Variants in RNF11 observed in about 807,000 individuals in gnomAD.
The protein encoded by RNF11 is ring finger protein 11.
In RNF11, 4 loss-of-function variants were observed where a neutral mutation model predicts 15.8. That is an observed-to-expected ratio of 0.25 (90% CI 0.12 to 0.58). The LOEUF is 0.58. Ranked by LOEUF, RNF11 falls within the 20% of genes least tolerant of loss-of-function variation. The pLI is 0.91. For synonymous variants in RNF11, 68 were observed against 72.3 expected (o/e 0.94, Z 0.30); for missense variants, 139 against 194.4 (o/e 0.71, Z 1.70).
At chr1:51,252,333 A>G (rs1440336226) in intron 1 of RNF11, among the ~76,000 whole-genome samples, 3 of 152,176 alleles carry the variant, frequency 2.0e-5, no homozygotes, top group Non-Finnish European at 2.9e-5. Flanking sequence ...TGCATGGGGC[A>G]TATACCCGTA....
intron 1 of RNF11, among the ~76,000 whole-genome samples, chr1:51,257,822 A>C (rs928189276): frequency 2.0e-5 from 2 of 99,462 alleles, no homozygotes; most frequent in African/African-American, 7.9e-5. Flanking sequence ...TTTGATTTGC[A>C]TTTCTCTTCT....
intron 1 of RNF11, among the ~76,000 whole-genome samples, chr1:51,247,417 T>C (rs1333971000): frequency 1.3e-5 from 2 of 151,734 alleles, no homozygotes; most frequent in African/African-American, 4.8e-5. Flanking sequence ...ATTAGGTTCC[T>C]CAGGTTAAAT....
chr1:51,263,452 T>A (rs963169575), intron 1 of RNF11, among the ~76,000 whole-genome samples: 5 of 138,312 alleles, frequency 3.6e-5, no homozygotes, highest in Admixed American at 7.3e-5. Context: ...TTCACAGGGT[T>A]GTGTGTGTGT....
chr1:51,247,420 G>A (rs1430916852), intron 1 of RNF11, among the ~76,000 whole-genome samples: 1 of 151,830 alleles, frequency 6.6e-6, no homozygotes, highest in Admixed American at 6.6e-5. Flanking sequence ...AGGTTCCTCA[G>A]GTTAAATGGA....
chr1:51,242,856 A>G (rs1383681296), intron 1 of RNF11, among the ~76,000 whole-genome samples: 2 of 152,212 alleles, frequency 1.3e-5, no homozygotes, highest in East Asian at 1.9e-4. Flanking sequence ...TTTGTTTAAC[A>G]TTTGGGTGGA....
Position 51,272,397 on chromosome 1 carries a change from G to T in RNF11, c.*1075G>T, listed in dbSNP as rs1379867171. 1 of 152,588 alleles carries T rather than the reference G, an allele frequency of 6.6e-6. No individual in the cohort carries two copies. The highest frequency in any genetic ancestry group is 1.5e-5 in the Non-Finnish European group (1 of 68,020). The allele number at this position is 152,588 out of a possible 1,614,324, so 9.5% of individuals were successfully genotyped here. A position where few individuals can be genotyped will look rare whatever the true frequency, so the allele number is the denominator to read the frequency against. On this transcript the variant is annotated 3_prime_UTR_variant, in exon 3 of 3. Coordinates refer to ENST00000242719, the MANE Select transcript of RNF11 (RefSeq NM_014372.5). ...AACACATCTCAGTCTCTGTTTCTTG[G>T]AAAGGTATCTATTACATCCTGCTAG...
In RNF11 at chr1:51,272,537, A is replaced by G. The variant is rs1268042556; in HGVS notation, c.*1215A>G. On this transcript the variant is annotated 3_prime_UTR_variant, in exon 3 of 3. Coordinates refer to ENST00000242719, the MANE Select transcript of RNF11 (RefSeq NM_014372.5). ...ATAGTTGTGATCTCAAAAAAGAAGG[A>G]ATTTCTCCTTTGTTTCTTGCAGTTA... 1 of 152,610 alleles carries G rather than the reference A, an allele frequency of 6.6e-6. No individual in the cohort carries two copies. Among genetic ancestry groups the G allele is most frequent in the Non-Finnish European group, 1.5e-5 (1 of 68,014 alleles). The allele number at this position is 152,610 out of a possible 1,614,324, so 9.5% of individuals were successfully genotyped here.
Position 51,243,589 on chromosome 1 carries a change from C to G in RNF11, c.123+6710C>G, listed in dbSNP as rs190893336. Among the ~76,000 whole-genome samples the G allele has an allele frequency of 4.3e-3, 656 of 152,262 alleles. 5 individuals carry two copies. Among genetic ancestry groups the G allele is most frequent in the African/African-American group, 0.015 (606 of 41,548 alleles). ...GAGTAGCTGGGATTACAGGCATGCG[C>G]CACCACACCCAGCTAATTTTTGTAT... On this transcript the variant is annotated intron_variant, in intron 1 of 2. Transcript: ENST00000242719.
chr1:51,241,117 T>G (rs1646827157), intron 1 of RNF11, among the ~76,000 whole-genome samples: 1 of 152,170 alleles, frequency 6.6e-6, no homozygotes, highest in Non-Finnish European at 1.5e-5. Context: ...GAGCCTGCCC[T>G]TTATATTTTT....
chr1:51,251,246 C>T (rs941902201), intron 1 of RNF11: 9 of 1,328,408 alleles, frequency 6.8e-6, no homozygotes, highest in East Asian at 4.6e-5. Flanking sequence ...AGATCTCCTC[C>T]AGGGACTTGA....
intron 1 of RNF11, among the ~76,000 whole-genome samples, chr1:51,265,492 T>C (rs1297134508): frequency 6.6e-6 from 1 of 152,236 alleles, no homozygotes; most frequent in Non-Finnish European, 1.5e-5. Context: ...ATGATTTCCT[T>C]TGGATTCTCG....
At chr1:51,243,631 G>T (rs989670007) in intron 1 of RNF11, among the ~76,000 whole-genome samples, 1 of 152,182 alleles carries the variant, frequency 6.6e-6, no homozygotes, top group African/African-American at 2.4e-5. Context: ...TAGAAATGGG[G>T]TTTCACCATA....
At chr1:51,257,460 TG>T (rs1239585592) in intron 1 of RNF11, among the ~76,000 whole-genome samples, 1 of 152,138 alleles carries the variant, frequency 6.6e-6, no homozygotes, top group East Asian at 1.9e-4. Context: ...ATTTTTTGTT[TG>T]TTTTTTTGTT....
rs371159487 is a variant in RNF11 at position 51,265,601 on chromosome 1, C to T, written c.124-4355C>T. On this transcript the variant is annotated intron_variant, in intron 1 of 2. Transcript: ENST00000242719. ...TTGAAATTTGCTTCTCTGTGAATTCCATCTTGAAATTTAAACTCACAGGGC... is the reference window on the plus strand; with the variant it reads ...TTGAAATTTGCTTCTCTGTGAATTCTATCTTGAAATTTAAACTCACAGGGC... Among the ~76,000 whole-genome samples, 8 of 152,186 alleles carry T rather than the reference C, an allele frequency of 5.3e-5. No individual in the cohort carries two copies. The East Asian group carries it at 1.5e-3, about 29-fold the overall frequency.
At chr1:51,252,615 C>CA (rs1302450866) in intron 1 of RNF11, among the ~76,000 whole-genome samples, 11 of 151,422 alleles carry the variant, frequency 7.3e-5, no homozygotes, top group Admixed American at 6.6e-4. Context: ...AACCCTGTCT[C>CA]AAAAAAAAGA....
intron 1 of RNF11, among the ~76,000 whole-genome samples, chr1:51,253,117 G>A (rs1447817887): frequency 6.6e-6 from 1 of 152,010 alleles, no homozygotes; most frequent in East Asian, 1.9e-4. Context: ...GATCCACCAC[G>A]CCCGACGTTG....
chr1:51,271,184 G>T lies in RNF11; in HGVS notation c.327G>T (p.Gly109=), dbSNP rs1189352216. The T allele has an allele frequency of 6.2e-7, 1 of 1,613,902 alleles. No individual in the cohort carries two copies. The highest frequency in any genetic ancestry group is 1.7e-5 in the Admixed American group (1 of 59,976). ...TCTGTATGATGGACTTTGTTTATGG[G>T]GACCCAATTCGATTTCTGCCGTGCA... The part of the protein sequence containing the change: ...CVICMMDFVY[G]DPIRFLPCMH... The change falls in exon 3 of 3, where the codon GGG becomes GGT. Residue 109 remains glycine (G), a synonymous_variant. Coordinates refer to ENST00000242719, the MANE Select transcript of RNF11 (RefSeq NM_014372.5).
At chr1:51,255,556 T>C (rs1646900758) in intron 1 of RNF11, among the ~76,000 whole-genome samples, 1 of 152,232 alleles carries the variant, frequency 6.6e-6, no homozygotes, top group Non-Finnish European at 1.5e-5. Context: ...TGCACCCAGC[T>C]GTGTTTCACT....
At chr1:51,258,209 T>A (rs2148071333) in intron 1 of RNF11, among the ~76,000 whole-genome samples, 1 of 152,306 alleles carries the variant, frequency 6.6e-6, no homozygotes, top group East Asian at 1.9e-4. Context: ...ATTTACAACA[T>A]TAGTTGTTTA....
Sources: allele counts gnomAD v4.1 joint callset (sites outside exome capture counted in the v4.1 genomes callset), GRCh38; gene constraint gnomAD v4.1.1; transcripts MANE v1.5; gene names NCBI Gene and HGNC (gene_info 2026-07-23, HGNC 2026-07-21).